The following STMN4 variants were observed in gnomAD, a reference collection of about 807,000 sequenced individuals.
STMN4 encodes the protein stathmin 4, also known as stathmin-4.
A neutral mutation model predicts 29.1 loss-of-function variants in STMN4; 12 were observed. The observed-to-expected ratio is 0.41, with a 90% confidence interval of 0.26 to 0.67. The LOEUF is 0.67. STMN4 is among the 30% of genes least tolerant of loss of function. The probability of loss-of-function intolerance (pLI) is 0.30; values close to 1 mark genes in which losing one functional copy is unlikely to be tolerated. For synonymous variants in STMN4, 114 were observed against 105.3 expected, an observed-to-expected ratio of 1.08 and a Z score of -0.51; for missense variants, 181 against 262.8, an observed-to-expected ratio of 0.69 and a Z score of 2.15.
At chr8:27,255,248 G>A (rs913197310) in intron 1 of STMN4, among the ~76,000 whole-genome samples, 13 of 152,228 alleles carry the variant, frequency 8.5e-5, no homozygotes, top group South Asian at 2.1e-4. Context: ...AAATGGATTT[G>A]TTCCCTGAGT....
Position 27,236,725 on chromosome 8 carries a change from T to A in STMN4, c.*121A>T. ...ACACCAAAAGCAGAGGAAACGCCCC[T>A]TGGCCACCCCCCTCCCCCCAAACCC... On this transcript the variant is annotated 3_prime_UTR_variant, in exon 7 of 7. Transcript: ENST00000350889. The A allele has an allele frequency of 1.1e-5, 8 of 723,772 alleles. No individual in the cohort carries two copies. Among genetic ancestry groups the A allele is most frequent in the Admixed American group, 3.7e-5 (1 of 27,194 alleles). 44.8% of individuals were successfully genotyped at this position (723,772 alleles called of 1,614,324 possible). A position where few individuals can be genotyped will look rare whatever the true frequency, so the allele number is the denominator to read the frequency against.
At chr8:27,241,560 G>T in intron 4 of STMN4, 117 bp downstream of exon 4, 2 of 1,273,494 alleles carry the variant, frequency 1.6e-6, no homozygotes, top group Non-Finnish European at 2.2e-6. Flanking sequence ...TGACTGCTGA[G>T]CTGCTCAATT....
chr8:27,251,863 G>A (rs1801797989), intron 1 of STMN4, among the ~76,000 whole-genome samples: 1 of 151,254 alleles, frequency 6.6e-6, no homozygotes, highest in South Asian at 2.1e-4. Context: ...ACATTGTGCA[G>A]GTTAGTTACA....
chr8:27,257,459 AACAC>A (rs59516183), intron 1 of STMN4, among the ~76,000 whole-genome samples: 3,179 of 137,752 alleles, frequency 0.023, 54 homozygotes, highest in African/African-American at 0.053. Flanking sequence ...CCCCCATACA[AACAC>A]ACACACACAC....
chr8:27,243,990 G>A (rs1045040793), intron 1 of STMN4, among the ~76,000 whole-genome samples, 189 bp from the exon 2 acceptor site: 1 of 152,166 alleles, frequency 6.6e-6, no homozygotes, highest in Non-Finnish European at 1.5e-5. Flanking sequence ...TGCTAAACAA[G>A]CTCAGATTCC....
At chr8:27,245,445 CT>C (rs1801598085) in intron 1 of STMN4, among the ~76,000 whole-genome samples, 1 of 152,244 alleles carries the variant, frequency 6.6e-6, no homozygotes, top group Admixed American at 6.5e-5. Context: ...ACTTAAACTG[CT>C]TTGTTCTCCT....
chr8:27,236,472 C>T lies in STMN4; in HGVS notation c.*374G>A, dbSNP rs1431239994. On this transcript the variant is annotated 3_prime_UTR_variant, in exon 7 of 7. Transcript: ENST00000350889. Reference sequence around the variant, plus strand: ...GCCCCACCCAGGACTCTGTCCTTCACCCTGAAGTTCTACCGCCCTGGTTTT... The same window carrying T: ...GCCCCACCCAGGACTCTGTCCTTCATCCTGAAGTTCTACCGCCCTGGTTTT... 1 of 164,030 alleles carries T rather than the reference C, an allele frequency of 6.1e-6. No homozygotes were observed. The highest frequency in any genetic ancestry group is 2.4e-5 in the African/African-American group (1 of 41,808). 10.2% of individuals were successfully genotyped at this position (164,030 alleles called of 1,614,324 possible).
chr8:27,257,277 A>G (rs993315069), intron 1 of STMN4, among the ~76,000 whole-genome samples: 2 of 152,074 alleles, frequency 1.3e-5, no homozygotes, highest in Admixed American at 6.5e-5. Context: ...GCTCAGCCTC[A>G]GGTGGAGACA....
chr8:27,255,179 C>T (rs1355343192), intron 1 of STMN4, among the ~76,000 whole-genome samples: 3 of 152,122 alleles, frequency 2.0e-5, no homozygotes, highest in South Asian at 2.1e-4. Flanking sequence ...ATAGCAAATG[C>T]TAATTTAATA....
At chr8:27,250,135 CT>C (rs1801742465) in intron 1 of STMN4, among the ~76,000 whole-genome samples, 1 of 152,160 alleles carries the variant, frequency 6.6e-6, no homozygotes, top group South Asian at 2.1e-4. Flanking sequence ...TGCCAATCTT[CT>C]TCAAAATCCA....
intron 1 of STMN4, among the ~76,000 whole-genome samples, chr8:27,253,751 G>A (rs1444039009): frequency 6.7e-5 from 10 of 150,332 alleles, no homozygotes; most frequent in Non-Finnish European, 1.2e-4. Flanking sequence ...TGATTAGCTA[G>A]AGTACTTCTT....
intron 1 of STMN4, among the ~76,000 whole-genome samples, chr8:27,247,870 G>T (rs1332007541): frequency 2.0e-5 from 3 of 152,196 alleles, no homozygotes; most frequent in Non-Finnish European, 4.4e-5. Flanking sequence ...CAGTGCAGAA[G>T]CAAACCTCCA....
chr8:27,256,540 T>C lies in STMN4; in HGVS notation c.-79+1811A>G, dbSNP rs534796260. ...TATATTATGATCCAGTATGTATTTG[T>C]CATGATATGGACATATACACACATA... On this transcript the variant is annotated intron_variant, in intron 1 of 6. Coordinates refer to ENST00000350889, the MANE Select transcript of STMN4 (RefSeq NM_030795.4). Among the ~76,000 whole-genome samples the C allele has an allele frequency of 9.2e-5, 14 of 152,312 alleles. No individual in the cohort carries two copies. The East Asian group carries it at 2.5e-3, about 27-fold the overall frequency.
rs1296584184 is a variant in STMN4, at chr8:27,242,470, C to T, written c.36G>A (p.Glu12=). 6.2e-7 allele frequency: 1 copy of T among 1,614,158 alleles called. No individual in the cohort carries two copies. The highest frequency in any genetic ancestry group is 1.1e-5 in the South Asian group (1 of 91,088). Residue 12 remains glutamate, a synonymous_variant, in exon 3 of 7, where the codon GAG becomes GAA. Transcript: ENST00000350889. ...AGCAGAACAAGGACACCAGCGGGAG[C>T]TCCTTCATCTTCTCTTTGTAGGCTG... ...TLAAYKEKMK[E]LPLVSLFCSC... is the part of the protein sequence containing the mutation.
Position 27,236,760 on chromosome 8 carries a change from G to C in STMN4, c.*86C>G. The C allele has an allele frequency of 7.7e-7, 1 of 1,302,152 alleles. No homozygotes were observed. Among genetic ancestry groups the C allele is most frequent in the South Asian group, 1.6e-5 (1 of 61,734 alleles). The allele number at this position is 1,302,152 out of a possible 1,614,324, so 80.7% of individuals were successfully genotyped here. A position where few individuals can be genotyped will look rare whatever the true frequency, so the allele number is the denominator to read the frequency against. Reference sequence around the variant, plus strand: ...CCCTCCCCCCAAACCCCAGTGCTGGGAGCGCAGCCGGCGGGCGAGGCTGCC... The same window carrying C: ...CCCTCCCCCCAAACCCCAGTGCTGGCAGCGCAGCCGGCGGGCGAGGCTGCC... On this transcript the variant is annotated 3_prime_UTR_variant, in exon 7 of 7. Coordinates refer to ENST00000350889, the MANE Select transcript of STMN4 (RefSeq NM_030795.4).
At chr8:27,242,184 G>T in intron 3 of STMN4, 1 of 592,078 alleles carries the variant, frequency 1.7e-6, no homozygotes. Flanking sequence ...TCTGGGGGGC[G>T]CCTGATGCAG....
At chr8:27,243,506 G>A (rs555588392) in intron 2 of STMN4, among the ~76,000 whole-genome samples, 1 of 151,712 alleles carries the variant, frequency 6.6e-6, no homozygotes, top group Non-Finnish European at 1.5e-5. Flanking sequence ...CCCACCACTT[G>A]TTCAACTTGT....
At chr8:27,240,999 C>T (rs766698924) in intron 5 of STMN4, 55 bp downstream of exon 5, 156 of 1,542,476 alleles carry the variant, frequency 1.0e-4, no homozygotes, top group Non-Finnish European at 1.3e-4. Context: ...CTGTCTTCTC[C>T]ACCTCCCTCC....
In STMN4 at chr8:27,242,195, A is replaced by G. The variant is rs577492641; in HGVS notation, c.109+202T>C. 8 of 603,786 alleles carry G rather than the reference A, an allele frequency of 1.3e-5. No individual in the cohort carries two copies. The African/African-American group carries it at 1.5e-4, about 11-fold the overall frequency. 37.4% of individuals were successfully genotyped at this position (603,786 alleles called of 1,614,324 possible). A position where few individuals can be genotyped will look rare whatever the true frequency, so the allele number is the denominator to read the frequency against. On this transcript the variant is annotated intron_variant, in intron 3 of 6. Transcript: ENST00000350889. The stretch of plus-strand genomic sequence containing the variant: ...GCACTCTGGGGGGCGCCTGATGCAG[A>G]CCTTCATGGCCTCCCCCTAGTGCCC...
Sources: allele counts gnomAD v4.1 joint callset (sites outside exome capture counted in the v4.1 genomes callset), GRCh38; gene constraint gnomAD v4.1.1; transcripts MANE v1.5; gene names NCBI Gene and HGNC (gene_info 2026-07-23, HGNC 2026-07-21).